Variants in STX8 observed in about 807,000 individuals in gnomAD.
STX8 encodes the protein syntaxin-8.
STX8 carries 23 observed loss-of-function variants against 37.5 expected under a neutral mutation model. The observed-to-expected ratio is 0.61, with a 90% CI of 0.44 to 0.87. STX8 has a LOEUF of 0.87. Ranked by LOEUF, STX8 falls within the 40% of genes least tolerant of loss-of-function variation. STX8 has a pLI of 0.00. For synonymous variants in STX8, 115 were observed against 99.1 expected (o/e 1.16, Z -0.95); for missense variants, 313 against 284.7 (o/e 1.10, Z -0.71).
chr17:9,341,616 T>C (rs1392829718), intron 7 of STX8, among the ~76,000 whole-genome samples: 5 of 152,096 alleles, frequency 3.3e-5, no homozygotes, highest in African/African-American at 4.8e-5. Context: ...TTTGTATTTT[T>C]AGTAGAGACG....
chr17:9,506,405 G>GCCCC (rs1471640649), intron 4 of STX8, among the ~76,000 whole-genome samples: 3 of 8,932 alleles, frequency 3.4e-4, no homozygotes, highest in African/African-American at 8.1e-4. Flanking sequence ...GTGCTCACCC[G>GCCCC]CTCCCCCCCC....
At chr17:9,265,997 G>A (rs1907218495) in intron 7 of STX8, among the ~76,000 whole-genome samples, 1 of 152,170 alleles carries the variant, frequency 6.6e-6, no homozygotes, top group Non-Finnish European at 1.5e-5. Flanking sequence ...TACCAGGGAG[G>A]GAGTGCTGAT....
intron 6 of STX8, among the ~76,000 whole-genome samples, chr17:9,430,423 T>G (rs923699973): frequency 6.6e-6 from 1 of 151,304 alleles, no homozygotes; most frequent in Admixed American, 6.6e-5. Flanking sequence ...CTACTTTCTT[T>G]CTCTGTGAAT....
chr17:9,460,539 G>C (rs1003831015), intron 6 of STX8, among the ~76,000 whole-genome samples: 1 of 151,956 alleles, frequency 6.6e-6, no homozygotes, highest in South Asian at 2.1e-4. Flanking sequence ...TGGGCCTGGT[G>C]GTGGGCGCCT....
intron 7 of STX8, among the ~76,000 whole-genome samples, chr17:9,352,508 C>T (rs1910740915): frequency 6.9e-6 from 1 of 145,942 alleles, no homozygotes; most frequent in Non-Finnish European, 1.5e-5. Flanking sequence ...TGCTCTGTGG[C>T]CCAGGCGGGA....
chr17:9,417,046 C>G (rs1401810567), intron 6 of STX8, among the ~76,000 whole-genome samples: 1 of 152,182 alleles, frequency 6.6e-6, no homozygotes, highest in Non-Finnish European at 1.5e-5. Flanking sequence ...AGACTGTTTT[C>G]CACACCCCTA....
intron 6 of STX8, among the ~76,000 whole-genome samples, chr17:9,413,890 C>T (rs371485307): frequency 6.6e-6 from 1 of 151,978 alleles, no homozygotes; most frequent in Non-Finnish European, 1.5e-5. Flanking sequence ...ATCCATCCAT[C>T]GATCCATCCA....
At chr17:9,384,660 A>AAACAG (rs536277377) in intron 6 of STX8, among the ~76,000 whole-genome samples, 1 of 151,946 alleles carries the variant, frequency 6.6e-6, no homozygotes, top group Non-Finnish European at 1.5e-5. Flanking sequence ...AAACAAAACA[A>AAACAG]AACAGAACAA....
At chr17:9,568,019 T>C (rs1907528515) in intron 2 of STX8, among the ~76,000 whole-genome samples, 2 of 152,162 alleles carry the variant, frequency 1.3e-5, no homozygotes, top group South Asian at 4.1e-4. Context: ...ATGTAAAAAC[T>C]ATAACTATTC....
chr17:9,546,553 T>C (rs576301592), intron 3 of STX8, among the ~76,000 whole-genome samples: 3 of 149,462 alleles, frequency 2.0e-5, no homozygotes, highest in Non-Finnish European at 4.4e-5. Flanking sequence ...AGTACAAAGT[T>C]TTATATACTA....
At chr17:9,554,997 T>C (rs570290738) in intron 3 of STX8, 1 of 152,088 alleles carries the variant, frequency 6.6e-6, no homozygotes, top group South Asian at 2.1e-4. Context: ...CCATCCCTAG[T>C]ACTGGCTGCA....
intron 6 of STX8, among the ~76,000 whole-genome samples, chr17:9,434,164 C>T (rs575998961): frequency 9.9e-5 from 15 of 152,200 alleles, no homozygotes; most frequent in African/African-American, 2.6e-4. Context: ...CTACCATGCC[C>T]GGCTAATTTT....
chr17:9,414,832 C>G (rs1913126147), intron 6 of STX8, among the ~76,000 whole-genome samples: 1 of 133,480 alleles, frequency 7.5e-6, no homozygotes, highest in Non-Finnish European at 1.6e-5. Context: ...CTCTTGTCAT[C>G]CAGGCCGGAG....
chr17:9,330,016 G>C (rs1047473169), intron 7 of STX8, among the ~76,000 whole-genome samples: 3 of 152,118 alleles, frequency 2.0e-5, no homozygotes, highest in Non-Finnish European at 4.4e-5. Flanking sequence ...CAGGCCCCTT[G>C]CTCAGAGGGG....
intron 7 of STX8, chr17:9,377,988 A>G (rs78272784): frequency 0.087 from 13,319 of 152,994 alleles, 786 homozygotes; most frequent in Non-Finnish European, 0.13. Context: ...TGCTTGGTAC[A>G]CTTGTTAAAT....
At chr17:9,332,181 C>G (rs1160201889) in intron 7 of STX8, among the ~76,000 whole-genome samples, 1 of 152,140 alleles carries the variant, frequency 6.6e-6, no homozygotes, top group Non-Finnish European at 1.5e-5. Context: ...ATTTCCCAGG[C>G]AATACAAGAG....
intron 5 of STX8, among the ~76,000 whole-genome samples, chr17:9,496,339 G>A (rs1904406232): frequency 6.6e-6 from 1 of 152,104 alleles, no homozygotes. Flanking sequence ...GCCTCCCAAA[G>A]TGCTGGGATT....
chr17:9,569,149 A>G (rs969135396), intron 1 of STX8, among the ~76,000 whole-genome samples: 2 of 152,200 alleles, frequency 1.3e-5, no homozygotes, highest in Non-Finnish European at 2.9e-5. Context: ...CCAATGAGAA[A>G]GCATGTGGGG....
rs532246116 is a variant in STX8 at position 9,403,662 on chromosome 17, CCT to C, written c.542-25011_542-25010del. Among the ~76,000 whole-genome samples the C allele has an allele frequency of 4.5e-4, 68 of 151,826 alleles. No individual in the cohort carries two copies. The East Asian group carries it at 7.3e-3, about 16-fold the overall frequency. ...TCACTTTTTTTTTTTTATTTTTTCC[CCT>C]GAGATGGAGTCTCGCTCTGTCGCCC... On this transcript the variant is annotated intron_variant, in intron 6 of 7. Coordinates refer to ENST00000306357, the MANE Select transcript of STX8 (RefSeq NM_004853.3).
Sources: gnomAD v4.1 joint callset for allele counts (sites outside exome capture counted in the v4.1 genomes callset) on GRCh38, gnomAD v4.1.1 for gene constraint, MANE v1.5 for transcripts, NCBI Gene and HGNC (gene_info 2026-07-23, HGNC 2026-07-21) for gene names.